NCEH1: variants seen among roughly 807,000 people sequenced by gnomAD.
The protein encoded by NCEH1 is neutral cholesterol ester hydrolase 1.
NCEH1 carries 9 observed loss-of-function variants against 25.4 expected under a neutral mutation model. The ratio of observed to expected loss-of-function variants is 0.35; its 90% CI spans 0.21 to 0.62. NCEH1 has a LOEUF of 0.62. Among genes scored for constraint, NCEH1 ranks in the 20% least tolerant of loss-of-function variants. The probability of loss-of-function intolerance (pLI) is 0.72; values close to 1 mark genes in which losing one functional copy is unlikely to be tolerated. For missense variants in NCEH1, 412 were observed against 501.1 expected (o/e 0.82, Z 1.70); for synonymous variants, 200 against 199.8 (o/e 1.00, Z -0.01).
chr3:172,672,870 A>C (rs1370750785), intron 1 of NCEH1, among the ~76,000 whole-genome samples: 1 of 152,194 alleles, frequency 6.6e-6, no homozygotes, highest in Non-Finnish European at 1.5e-5. Flanking sequence ...AACCCTGTCC[A>C]TCCAGTGGCA....
chr3:172,654,734 T>C (rs1717611371), intron 1 of NCEH1, among the ~76,000 whole-genome samples: 1 of 152,226 alleles, frequency 6.6e-6, no homozygotes, highest in South Asian at 2.1e-4. Context: ...AAAGCATCGA[T>C]TCTAACTCAC....
At chr3:172,661,474 T>C (rs1465279775) in intron 1 of NCEH1, among the ~76,000 whole-genome samples, 1 of 152,222 alleles carries the variant, frequency 6.6e-6, no homozygotes, top group Admixed American at 6.5e-5. Flanking sequence ...TTTGGCTCCA[T>C]ATGAACTTTA....
At chr3:172,665,466 C>T (rs1474721304) in intron 1 of NCEH1, among the ~76,000 whole-genome samples, 2 of 152,200 alleles carry the variant, frequency 1.3e-5, no homozygotes, top group Non-Finnish European at 2.9e-5. Flanking sequence ...GCAGTCTGTC[C>T]GTTCTCAGAT....
intron 1 of NCEH1, among the ~76,000 whole-genome samples, chr3:172,706,326 A>T (rs1388755428): frequency 6.6e-6 from 1 of 152,116 alleles, no homozygotes; most frequent in Non-Finnish European, 1.5e-5. Context: ...ACATAGATAC[A>T]TGTTTTGATA....
chr3:172,679,944 CCTGGG>C (rs1474603805), intron 1 of NCEH1, among the ~76,000 whole-genome samples: 2 of 152,034 alleles, frequency 1.3e-5, no homozygotes, highest in Non-Finnish European at 2.9e-5. Flanking sequence ...AAACCAATCT[CCTGGG>C]TTTTAAGAAC....
intron 1 of NCEH1, among the ~76,000 whole-genome samples, chr3:172,684,835 G>A (rs1427283239): frequency 3.3e-5 from 5 of 151,988 alleles, no homozygotes; most frequent in African/African-American, 7.3e-5. Context: ...GCAAAAACTA[G>A]CCAGGCATGG....
chr3:172,656,190 G>A (rs752261862), intron 1 of NCEH1, among the ~76,000 whole-genome samples: 1 of 152,136 alleles, frequency 6.6e-6, no homozygotes, highest in Non-Finnish European at 1.5e-5. Flanking sequence ...GGCAGATTAC[G>A]TTCACTGTTT....
At chr3:172,710,081 A>G (rs1714214103) in intron 1 of NCEH1, among the ~76,000 whole-genome samples, 3 of 152,230 alleles carry the variant, frequency 2.0e-5, no homozygotes, top group African/African-American at 7.2e-5. Flanking sequence ...GATACAGTGG[A>G]GAGAAATGTT....
At chr3:172,671,674 C>T (rs1329752404) in intron 1 of NCEH1, among the ~76,000 whole-genome samples, 2 of 152,004 alleles carry the variant, frequency 1.3e-5, no homozygotes, top group Non-Finnish European at 1.5e-5. Context: ...CAGGCACACA[C>T]ATACTTGTTA....
intron 1 of NCEH1, among the ~76,000 whole-genome samples, chr3:172,652,294 G>A (rs9816419): frequency 0.76 from 115,769 of 152,220 alleles, 44,519 homozygotes; most frequent in East Asian, 0.94. Context: ...AAGACAATCT[G>A]TCTTTTCTCC....
At chr3:172,657,151 G>A (rs1156438291) in intron 1 of NCEH1, among the ~76,000 whole-genome samples, 2 of 151,784 alleles carry the variant, frequency 1.3e-5, no homozygotes, top group Non-Finnish European at 2.9e-5. Flanking sequence ...TTCTTTCCTT[G>A]AGCAAGCCAA....
At chr3:172,698,803 A>G (rs1423463593) in intron 1 of NCEH1, among the ~76,000 whole-genome samples, 2 of 152,246 alleles carry the variant, frequency 1.3e-5, no homozygotes, top group African/African-American at 2.4e-5. Context: ...GTGAAGGACA[A>G]CACAAAACCA....
intron 2 of NCEH1, among the ~76,000 whole-genome samples, chr3:172,646,866 C>T (rs1717141226): frequency 1.3e-5 from 2 of 152,160 alleles, no homozygotes; most frequent in Non-Finnish European, 2.9e-5. Context: ...CCTTCTTATT[C>T]ATTTTTGTAT....
At chr3:172,648,157 A>G (rs1717211253) in intron 1 of NCEH1, 43 bp from the exon 2 acceptor site, 1 of 1,609,812 alleles carries the variant, frequency 6.2e-7, no homozygotes, top group Middle Eastern at 1.8e-4. Context: ...GCGCACGTCA[A>G]CTTGGCATCA....
intron 1 of NCEH1, among the ~76,000 whole-genome samples, chr3:172,663,344 G>C (rs1718053231): frequency 6.6e-6 from 1 of 152,134 alleles, no homozygotes; most frequent in Admixed American, 6.5e-5. Flanking sequence ...TATAATTTCT[G>C]TTCTTTTACA....
At chr3:172,694,345 T>C (rs567406659) in intron 1 of NCEH1, among the ~76,000 whole-genome samples, 2 of 152,156 alleles carry the variant, frequency 1.3e-5, no homozygotes, top group African/African-American at 4.8e-5. Flanking sequence ...CCAACTGACA[T>C]TAATTTAGTT....
At chr3:172,686,049 C>G (rs1479184508) in intron 1 of NCEH1, among the ~76,000 whole-genome samples, 1 of 151,816 alleles carries the variant, frequency 6.6e-6, no homozygotes, top group Non-Finnish European at 1.5e-5. Flanking sequence ...CTCAGAGATT[C>G]ACAATGCACG....
Position 172,633,409 on chromosome 3 carries a change from G to A in NCEH1, c.*66C>T. ...AGGAAGAATTAGTCAACTAAAAAGT[G>A]CATGTCTTTCCAAAGCAGGTGTAGG... On this transcript the variant is annotated 3_prime_UTR_variant, in exon 5 of 5. Coordinates refer to ENST00000475381, the MANE Select transcript of NCEH1 (RefSeq NM_020792.6). The A allele has an allele frequency of 8.9e-6, 13 of 1,460,958 alleles. No individual in the cohort carries two copies. The South Asian group carries it at 9.1e-5, about 10-fold the overall frequency. The allele number at this position is 1,460,958 out of a possible 1,614,324, so 90.5% of individuals were successfully genotyped here.
intron 1 of NCEH1, among the ~76,000 whole-genome samples, chr3:172,671,386 C>A (rs1472830070): frequency 6.6e-6 from 1 of 151,966 alleles, no homozygotes; most frequent in Non-Finnish European, 1.5e-5. Context: ...CACTTTGATC[C>A]TCAAAAATGT....
Sources: allele counts gnomAD v4.1 joint callset (sites outside exome capture counted in the v4.1 genomes callset), GRCh38; gene constraint gnomAD v4.1.1; transcripts MANE v1.5; gene names NCBI Gene and HGNC (gene_info 2026-07-23, HGNC 2026-07-21).